The following LOXHD1 variants were observed in gnomAD, a reference collection of about 807,000 sequenced individuals.
LOXHD1 encodes the protein lipoxygenase homology domain-containing protein 1.
LOXHD1 carries 205 observed loss-of-function variants against 248.2 expected under a neutral mutation model. The observed-to-expected ratio is 0.83, with a 90% CI of 0.74 to 0.93. LOXHD1 has a LOEUF of 0.93. LOXHD1 is among the 40% of genes least tolerant of loss of function. The pLI is 0.00. For missense variants in LOXHD1, 2,930 were observed against 2,971.6 expected, an observed-to-expected ratio of 0.99 and a Z score of 0.33; for synonymous variants, 1,113 against 1,162.8, an observed-to-expected ratio of 0.96 and a Z score of 0.87.
chr18:46,593,152 C>A (rs1599035160), intron 10 of LOXHD1, among the ~76,000 whole-genome samples: 1 of 152,138 alleles, frequency 6.6e-6, no homozygotes, highest in South Asian at 2.1e-4. Flanking sequence ...GGGAAAAAAT[C>A]TTTGCTCTAG....
At chr18:46,584,654 T>C (rs1337291219) in intron 12 of LOXHD1, among the ~76,000 whole-genome samples, 1 of 151,966 alleles carries the variant, frequency 6.6e-6, no homozygotes, top group East Asian at 1.9e-4. Context: ...AGAGAAGAAA[T>C]AATACTAATA....
At chr18:46,511,510 C>T (rs1226489101) in intron 34 of LOXHD1, among the ~76,000 whole-genome samples, 1 of 152,206 alleles carries the variant, frequency 6.6e-6, no homozygotes. Context: ...CCTTCTGTTC[C>T]TGCCTGCTAT....
intron 16 of LOXHD1, among the ~76,000 whole-genome samples, chr18:46,568,865 C>G (rs978016424): frequency 6.6e-6 from 1 of 152,166 alleles, no homozygotes; most frequent in Non-Finnish European, 1.5e-5. Context: ...CTTTACTGTT[C>G]AGCTTTCTCT....
At chr18:46,611,338 A>G (rs933930809) in intron 5 of LOXHD1, among the ~76,000 whole-genome samples, 2 of 152,218 alleles carry the variant, frequency 1.3e-5, no homozygotes, top group African/African-American at 4.8e-5. Context: ...AGTGCTGGTA[A>G]GTATTAATAC....
At chr18:46,510,823 T>C (rs931510601) in intron 34 of LOXHD1, among the ~76,000 whole-genome samples, 4 of 152,174 alleles carry the variant, frequency 2.6e-5, no homozygotes, top group Non-Finnish European at 4.4e-5. Flanking sequence ...AGTAAAAAAG[T>C]TATCTCAAAG....
intron 4 of LOXHD1, among the ~76,000 whole-genome samples, chr18:46,622,610 G>A (rs1007364901): frequency 5.3e-5 from 8 of 152,176 alleles, no homozygotes; most frequent in Non-Finnish European, 5.9e-5. Context: ...GTCAGCTGCT[G>A]GCTGCAGGAT....
At chr18:46,499,786 G>A (rs992711613) in intron 37 of LOXHD1, among the ~76,000 whole-genome samples, 1 of 152,092 alleles carries the variant, frequency 6.6e-6, no homozygotes, top group Admixed American at 6.5e-5. Context: ...ACATACAGTG[G>A]CTTAAATATT....
rs137924255 is a variant in LOXHD1 at position 46,605,816 on chromosome 18, A to G, written c.760-1587T>C. ...TAGGAAGATGGGAGATTTAATAAGC[A>G]TATCCTATGTTTCAGGGGCACCTTG... On this transcript the variant is annotated intron_variant, in intron 6 of 40. Transcript: ENST00000642948. 8.5e-4 allele frequency among the ~76,000 whole-genome samples: 130 copies of G among 152,316 alleles called. 1 individual carries two copies. Among genetic ancestry groups the G allele is most frequent in the African/African-American group, 3.1e-3 (128 of 41,582 alleles).
At position 46,534,388 on chromosome 18, in the gene LOXHD1, G is replaced by C. The variant is rs1490378115; in HGVS notation, c.4159C>G (p.Pro1387Ala). 6.4e-7 allele frequency: 1 copy of C among 1,551,648 alleles called. No homozygotes were observed. Among genetic ancestry groups the C allele is most frequent in the Non-Finnish European group, 8.7e-7 (1 of 1,146,976 alleles). Residue 1387 changes from proline (P) to alanine (A), a missense_variant, in exon 27 of 41, where the codon CCT (proline) becomes GCT (alanine). Coordinates refer to ENST00000642948, the MANE Select transcript of LOXHD1 (RefSeq NM_001384474.1). ...TCCACGTGAGAGCAGTGCCACCCAG[G>C]ATTCATGCCCGTGTTATTATGGCCA... is the stretch of plus-strand genomic sequence containing the variant. ...RIGHNNTGMNPGWHCSHVDIR... is the reference protein window; with the variant it reads ...RIGHNNTGMNAGWHCSHVDIR...
intron 12 of LOXHD1, among the ~76,000 whole-genome samples, chr18:46,583,335 C>T (rs1235536101): frequency 6.6e-6 from 1 of 151,916 alleles, no homozygotes; most frequent in Non-Finnish European, 1.5e-5. Flanking sequence ...CAAACTTTTG[C>T]CCAAACAAAA....
At position 46,477,680 on chromosome 18, in the gene LOXHD1, C is replaced by T. The variant is rs531043544; in HGVS notation, c.6614G>A (p.Arg2205His). The change falls in exon 41 of 41, where the codon CGC becomes CAC. Residue 2205 changes from arginine (R) to histidine (H), a missense_variant. Arg to His is a conservative substitution (Grantham distance 29). Coordinates refer to ENST00000642948, the MANE Select transcript of LOXHD1 (RefSeq NM_001384474.1). ...CAGCTCCAGCGTCTCCAGGAAGAAG[C>T]GGTCTGTGCTGCCCCGCTCGAAGAG... ...RNLFERGSTD[R>H]FFLETLELGE... The T allele has an allele frequency of 1.8e-5, 28 of 1,551,860 alleles. No homozygotes were observed. Among genetic ancestry groups the T allele is most frequent in the African/African-American group, 1.2e-4 (9 of 73,200 alleles).
intron 37 of LOXHD1, among the ~76,000 whole-genome samples, chr18:46,503,572 GAC>G (rs1273560714): frequency 6.6e-6 from 1 of 152,188 alleles, no homozygotes; most frequent in African/African-American, 2.4e-5. Flanking sequence ...CTAATCCTAA[GAC>G]AATCAGAATG....
In LOXHD1 at chr18:46,533,154, A is replaced by C; in HGVS notation, c.4375+8T>G. On this transcript the variant is annotated splice_region_variant and intron_variant, in intron 28 of 40. Transcript: ENST00000642948. Reference sequence around the variant, plus strand: ...CCATGGTGATGAGGGTGGCCACACCACACTTACTGTCCAGAGGCTCTTCTA... The same window carrying C: ...CCATGGTGATGAGGGTGGCCACACCCCACTTACTGTCCAGAGGCTCTTCTA... 1 of 1,551,614 alleles carries C rather than the reference A, an allele frequency of 6.4e-7. No homozygotes were observed. The highest frequency in any genetic ancestry group is 8.7e-7 in the Non-Finnish European group (1 of 1,146,956).
chr18:46,549,164 G>A (rs1418315912), intron 21 of LOXHD1, among the ~76,000 whole-genome samples: 1 of 152,130 alleles, frequency 6.6e-6, no homozygotes, highest in Non-Finnish European at 1.5e-5. Context: ...CCAGGCAGGG[G>A]TTTTTTAGTG....
intron 4 of LOXHD1, among the ~76,000 whole-genome samples, chr18:46,629,187 G>A (rs1410173735): frequency 6.6e-6 from 1 of 152,176 alleles, no homozygotes; most frequent in African/African-American, 2.4e-5. Context: ...TACAGAGGGA[G>A]AAACTGAGGA....
rs1454945327 is a variant in LOXHD1 at position 46,601,468 on chromosome 18, C to T, written c.884-1G>A. The T allele has an allele frequency of 6.4e-7, 1 of 1,551,694 alleles. No homozygotes were observed. Among genetic ancestry groups the T allele is most frequent in the Non-Finnish European group, 8.7e-7 (1 of 1,147,036 alleles). Reference sequence around the variant, plus strand: ...AAGACGGTGACAATATACGTAATAGCTGGTGTGGAAACAACAGGAAAGAGA... The same window carrying T: ...AAGACGGTGACAATATACGTAATAGTTGGTGTGGAAACAACAGGAAAGAGA... On this transcript the variant is annotated splice_acceptor_variant, in intron 7 of 40. Coordinates refer to ENST00000642948, the MANE Select transcript of LOXHD1 (RefSeq NM_001384474.1). LOFTEE classifies it high-confidence loss of function.
At chr18:46,538,879 A>C (rs1477764043) in intron 25 of LOXHD1, among the ~76,000 whole-genome samples, 1 of 152,102 alleles carries the variant, frequency 6.6e-6, no homozygotes, top group Non-Finnish European at 1.5e-5. Context: ...ACTTGCTCCC[A>C]GATGGCCTGC....
rs763078543 is a variant in LOXHD1, at chr18:46,524,777, C to G, written c.4671G>C (p.Leu1557=). ...GGGAGAGCCAGCGCCCGCATAGGAA[C>G]AGGAACTCGTCCTCGTTGGTGTCAT... ...IWNDTNEDEF[L]FLCGRWLSLK... The change falls in exon 30 of 41, where the codon CTG becomes CTC. Residue 1557 remains leucine, a synonymous_variant. Transcript: ENST00000642948. 3 of 1,551,676 alleles carry G rather than the reference C, an allele frequency of 1.9e-6. No homozygotes were observed. Among genetic ancestry groups the G allele is most frequent in the Non-Finnish European group, 1.7e-6 (2 of 1,147,024 alleles).
In LOXHD1 at chr18:46,656,669, ACT is replaced by A. The variant is rs530450749; in HGVS notation, c.130+233_130+234del. Among the ~76,000 whole-genome samples, 330 of 152,284 alleles carry A rather than the reference ACT, an allele frequency of 2.2e-3. 2 individuals are homozygous for A. Among genetic ancestry groups the A allele is most frequent in the Non-Finnish European group, 3.9e-3 (265 of 68,010 alleles). On this transcript the variant is annotated intron_variant, in intron 1 of 40. Coordinates refer to ENST00000642948, the MANE Select transcript of LOXHD1 (RefSeq NM_001384474.1). ...CTGTGGCTCTAGTCTATTCTGTTCC[ACT>A]GAGAATCGGGGGCTAAAGGCAAGTT...
Sources: allele counts gnomAD v4.1 joint callset (sites outside exome capture counted in the v4.1 genomes callset), GRCh38; gene constraint gnomAD v4.1.1; transcripts MANE v1.5; gene names NCBI Gene and HGNC (gene_info 2026-07-23, HGNC 2026-07-21).